BUD13: variants seen among roughly 807,000 people sequenced by gnomAD.
The protein encoded by BUD13 is BUD13 spliceosome associated protein, also known as BUD13 homolog.
Under a neutral mutation model 62.5 loss-of-function variants are expected in BUD13, and 47 were observed. That is an observed-to-expected ratio of 0.75 (90% CI 0.60 to 0.96). The LOEUF (loss-of-function observed/expected upper bound fraction) is 0.96, where lower values mean the gene tolerates loss of function less well. Ranked by LOEUF, BUD13 falls within the 40% of genes least tolerant of loss-of-function variation. The pLI is 0.00. For missense variants in BUD13, 821 were observed against 790.9 expected (o/e 1.04, Z -0.46); for synonymous variants, 293 against 280.1 (o/e 1.05, Z -0.46).
At chr11:116,758,055 C>A in intron 7 of BUD13, 105 bp from the exon 8 acceptor site, 1 of 1,473,262 alleles carries the variant, frequency 6.8e-7, no homozygotes. Flanking sequence ...CTTTCTAGTA[C>A]CCTAGGGCAA....
intron 9 of BUD13, 36 bp from the exon 10 acceptor site, chr11:116,748,611 C>T (rs1565309725): frequency 6.3e-7 from 1 of 1,581,648 alleles, no homozygotes; most frequent in Admixed American, 1.7e-5. Flanking sequence ...CAGCTAGAAC[C>T]CTGAAAGGGG....
chr11:116,758,881 C>T (rs957426972), intron 6 of BUD13, among the ~76,000 whole-genome samples, 193 bp downstream of exon 6: 23 of 151,978 alleles, frequency 1.5e-4, no homozygotes, highest in African/African-American at 5.6e-4. Flanking sequence ...CATGAGCCAC[C>T]GCGCCTGGGC....
At chr11:116,748,980 C>CAAAAAAAAAAAAAAAAAAAAGAA (rs1940188158) in intron 9 of BUD13, among the ~76,000 whole-genome samples, 3 of 87,014 alleles carry the variant, frequency 3.4e-5, no homozygotes, top group Non-Finnish European at 4.6e-5. Flanking sequence ...GACTCTGTCT[C>CAAAAAAAAAAAAAAAAAAAAGAA]AAAAAAAAAA....
At chr11:116,756,651 C>T (rs998191072) in intron 9 of BUD13, among the ~76,000 whole-genome samples, 1 of 152,062 alleles carries the variant, frequency 6.6e-6, no homozygotes, top group Non-Finnish European at 1.5e-5. Context: ...TGGATGGAAG[C>T]AAATATTCAT....
chr11:116,756,037 G>A (rs887289703), intron 9 of BUD13, among the ~76,000 whole-genome samples: 2 of 151,728 alleles, frequency 1.3e-5, no homozygotes, highest in South Asian at 2.1e-4. Flanking sequence ...GCAAAACCTC[G>A]TCTCTACTAA....
chr11:116,748,721 CTCACGCCT>C, intron 9 of BUD13, 146 bp from the exon 10 acceptor site: 1 of 828,368 alleles, frequency 1.2e-6, no homozygotes, highest in Non-Finnish European at 1.9e-6. Context: ...GGCACGGCGG[CTCACGCCT>C]GTAATCCCAG....
Position 116,762,957 on chromosome 11 carries a change from G to T in BUD13, c.632C>A (p.Ser211Ter), listed in dbSNP as rs1385074279. The T allele has an allele frequency of 6.2e-7, 1 of 1,614,124 alleles. No individual in the cohort carries two copies. Residue 211 changes from serine (S) to a stop codon, truncating the protein, a stop_gained, in exon 4 of 10, where the codon TCA becomes TAA. Coordinates refer to ENST00000260210, the MANE Select transcript of BUD13 (RefSeq NM_032725.4). LOFTEE classifies it high-confidence loss of function. ...ACGGACTCTCCTAGGAGATGCACCTGAAGAATTATGCTGAGGCCTCCTTGG... is the reference window on the plus strand; with the variant it reads ...ACGGACTCTCCTAGGAGATGCACCTTAAGAATTATGCTGAGGCCTCCTTGG... ...SPPRRPQHNS[S>*]GASPRRVRHD...
intron 9 of BUD13, among the ~76,000 whole-genome samples, chr11:116,751,865 A>T (rs979255584): frequency 2.6e-5 from 4 of 152,216 alleles, no homozygotes; most frequent in African/African-American, 9.6e-5. Context: ...TGGACCAGAG[A>T]ATCAGGAACG....
chr11:116,770,612 A>G (rs1854968830), intron 1 of BUD13, among the ~76,000 whole-genome samples: 1 of 150,912 alleles, frequency 6.6e-6, no homozygotes, highest in South Asian at 2.1e-4. Flanking sequence ...CTCCTGCCTC[A>G]GCCTCCTGAG....
intron 1 of BUD13, among the ~76,000 whole-genome samples, chr11:116,770,601 T>A (rs1388379895): frequency 6.6e-6 from 1 of 151,914 alleles, no homozygotes; most frequent in Non-Finnish European, 1.5e-5. Context: ...TTCACACCAT[T>A]CTCCTGCCTC....
At chr11:116,762,235 C>T (rs2134179092) in intron 4 of BUD13, among the ~76,000 whole-genome samples, 1 of 152,292 alleles carries the variant, frequency 6.6e-6, no homozygotes, top group Non-Finnish European at 1.5e-5. Context: ...TAAGATGACC[C>T]TGGCCACAAC....
At position 116,762,858 on chromosome 11, in the gene BUD13, AC is replaced by A. The variant is rs762817548; in HGVS notation, c.730del (p.Val244SerfsTer189). ...GSSDISSPRR[V>X]HNNSPDTSRR... ...AGATGTGTCAGGGGAGTTGTTATGG[AC>A]CCTTCTGGGGGAAGAGATATCTGAG... On this transcript the variant is annotated frameshift_variant, in exon 4 of 10. Transcript: ENST00000260210. LOFTEE classifies it high-confidence loss of function. The A allele has an allele frequency of 2.5e-6, 4 of 1,612,528 alleles. No individual in the cohort carries two copies. The South Asian group carries it at 4.4e-5, about 18-fold the overall frequency.
intron 5 of BUD13, among the ~76,000 whole-genome samples, chr11:116,759,869 A>G (rs1011706942): frequency 2.6e-5 from 4 of 152,206 alleles, no homozygotes; most frequent in African/African-American, 9.7e-5. Flanking sequence ...CAGTCTTCTC[A>G]GAGTCTTCTA....
intron 4 of BUD13, among the ~76,000 whole-genome samples, chr11:116,761,315 T>C (rs1028934160): frequency 2.0e-5 from 3 of 152,142 alleles, no homozygotes; most frequent in African/African-American, 7.2e-5. Context: ...GCCTCCAAAG[T>C]GCTGGGATTA....
chr11:116,767,719 AT>A (rs1940556952), intron 2 of BUD13, among the ~76,000 whole-genome samples: 1 of 151,826 alleles, frequency 6.6e-6, no homozygotes, highest in African/African-American at 2.4e-5. Context: ...AACACCTGTA[AT>A]CCCAACACTT....
Position 116,763,098 on chromosome 11 carries a change from G to T in BUD13, c.491C>A (p.Pro164His). 1 of 1,581,960 alleles carries T rather than the reference G, an allele frequency of 6.3e-7. No individual in the cohort carries two copies. Among genetic ancestry groups the T allele is most frequent in the Non-Finnish European group, 8.6e-7 (1 of 1,157,544 alleles). ...TGAGTCATGACGAGCCCCTCTGAGG[G>T]GAGAAGGATCCGGGGTGTCATGACG... ...RARHDTPDPS[P>H]LRGARHDSDT... Residue 164 changes from proline (P) to histidine (H), a missense_variant, in exon 4 of 10, where the codon CCC becomes CAC. By Grantham distance (77) the Pro-to-His change is moderately conservative. This residue lies in a region of BUD13 where 800 missense variants were observed against 739.2 expected (regional missense o/e 1.08). Transcript: ENST00000260210.
chr11:116,771,115 A>G (rs1025402950), intron 1 of BUD13, among the ~76,000 whole-genome samples: 1 of 152,210 alleles, frequency 6.6e-6, no homozygotes, highest in African/African-American at 2.4e-5. Flanking sequence ...AGGTCCTAAC[A>G]CAAATTTAAC....
chr11:116,758,934 T>G, intron 6 of BUD13, 140 bp downstream of exon 6: 5 of 659,786 alleles, frequency 7.6e-6, no homozygotes, highest in Non-Finnish European at 1.3e-5. Flanking sequence ...TGGGATTCAC[T>G]GAGAAATTAC....
At chr11:116,761,500 T>C (rs1460906791) in intron 4 of BUD13, among the ~76,000 whole-genome samples, 1 of 152,162 alleles carries the variant, frequency 6.6e-6, no homozygotes, top group African/African-American at 2.4e-5. Flanking sequence ...GAAACAACTT[T>C]TAAGACCAAC....
Sources: gnomAD v4.1 joint callset for allele counts (sites outside exome capture counted in the v4.1 genomes callset) on GRCh38, gnomAD v4.1.1 for gene constraint, gnomAD v4.1.1 regional missense constraint, MANE v1.5 for transcripts, NCBI Gene and HGNC (gene_info 2026-07-23, HGNC 2026-07-21) for gene names.